ZNF385D: variants seen among roughly 807,000 people sequenced by gnomAD.
ZNF385D encodes zinc finger protein 385D.
ZNF385D carries 15 observed loss-of-function variants against 35.8 expected under a neutral mutation model. The observed-to-expected ratio is 0.42, with a 90% CI of 0.28 to 0.64. The LOEUF is 0.64. Among genes scored for constraint, ZNF385D ranks in the 30% least tolerant of loss-of-function variants. The probability of loss-of-function intolerance (pLI) is 0.23; values close to 1 mark genes in which losing one functional copy is unlikely to be tolerated. For synonymous variants in ZNF385D, 212 were observed against 186.8 expected (o/e 1.13, Z -1.10); for missense variants, 474 against 494.6 (o/e 0.96, Z 0.39).
intron 2 of ZNF385D, among the ~76,000 whole-genome samples, chr3:22,199,460 T>C (rs1696637997): frequency 6.6e-6 from 1 of 152,124 alleles, no homozygotes; most frequent in South Asian, 2.1e-4. Flanking sequence ...TGTTAGGCCA[T>C]GGTAATATTA....
intron 3 of ZNF385D, among the ~76,000 whole-genome samples, chr3:22,064,466 G>C (rs1699833104): frequency 6.6e-6 from 1 of 151,640 alleles, no homozygotes; most frequent in Non-Finnish European, 1.5e-5. Flanking sequence ...AAATTAGTAG[G>C]CCAAAGTGAT....
At chr3:22,207,380 G>T (rs1697226592) in intron 2 of ZNF385D, among the ~76,000 whole-genome samples, 2 of 151,776 alleles carry the variant, frequency 1.3e-5, no homozygotes, top group Admixed American at 1.3e-4. Flanking sequence ...ATGAAAAACT[G>T]GACACGCATA....
chr3:21,666,172 CA>C (rs2066401125), intron 1 of ZNF385D, among the ~76,000 whole-genome samples: 1 of 152,222 alleles, frequency 6.6e-6, no homozygotes, highest in Non-Finnish European at 1.5e-5. Flanking sequence ...CAACTGCACA[CA>C]GAACATCATC....
intron 3 of ZNF385D, among the ~76,000 whole-genome samples, chr3:22,128,673 T>C (rs1703592690): frequency 6.6e-6 from 1 of 152,172 alleles, no homozygotes; most frequent in Admixed American, 6.6e-5. Flanking sequence ...GTTGCATTCT[T>C]CAATTTGTCA....
intron 3 of ZNF385D, among the ~76,000 whole-genome samples, chr3:22,068,223 G>A (rs1345639579): frequency 6.6e-6 from 1 of 152,056 alleles, no homozygotes; most frequent in Non-Finnish European, 1.5e-5. Context: ...TCAGACAGTT[G>A]TACTATCACT....
intron 3 of ZNF385D, among the ~76,000 whole-genome samples, chr3:22,119,540 T>C (rs920170916): frequency 6.6e-6 from 1 of 152,146 alleles, no homozygotes; most frequent in Non-Finnish European, 1.5e-5. Context: ...GATTCCATAA[T>C]GGCCTTCTCC....
intron 2 of ZNF385D, among the ~76,000 whole-genome samples, chr3:22,323,916 G>T (rs1694557602): frequency 6.6e-6 from 1 of 152,058 alleles, no homozygotes; most frequent in Non-Finnish European, 1.5e-5. Flanking sequence ...AATTTGTCAG[G>T]CTTTGCCTTT....
At chr3:22,255,625 T>C (rs1700276275) in intron 2 of ZNF385D, among the ~76,000 whole-genome samples, 1 of 151,790 alleles carries the variant, frequency 6.6e-6, no homozygotes, top group South Asian at 2.1e-4. Flanking sequence ...TACCTGCCTA[T>C]TTCTCAGCCT....
At chr3:22,150,779 T>C (rs1705175419) in intron 3 of ZNF385D, among the ~76,000 whole-genome samples, 1 of 152,154 alleles carries the variant, frequency 6.6e-6, no homozygotes, top group African/African-American at 2.4e-5. Context: ...TAGTAGAAGC[T>C]TTAGCTTAAT....
At chr3:22,024,674 A>G (rs575542473) in intron 3 of ZNF385D, among the ~76,000 whole-genome samples, 7 of 152,112 alleles carry the variant, frequency 4.6e-5, no homozygotes, top group Non-Finnish European at 8.8e-5. Context: ...GAGTTATGCA[A>G]AATAAATGCA....
intron 3 of ZNF385D, among the ~76,000 whole-genome samples, chr3:21,757,914 A>G (rs191913189): frequency 1.3e-3 from 196 of 152,274 alleles, no homozygotes; most frequent in African/African-American, 4.5e-3. Context: ...TGCCATAAAT[A>G]TATGTTGAGT....
chr3:22,130,419 AG>A (rs1329513505), intron 3 of ZNF385D, among the ~76,000 whole-genome samples: 5 of 152,180 alleles, frequency 3.3e-5, no homozygotes, highest in Admixed American at 6.6e-5. Context: ...AAGTTTATTT[AG>A]AAACCCATTG....
upstream of ZNF385D, among the ~76,000 whole-genome samples, chr3:21,752,396 G>A (rs1221254947): frequency 2.6e-5 from 4 of 152,032 alleles, no homozygotes; most frequent in Non-Finnish European, 5.9e-5. Context: ...TTTTATAAAA[G>A]TGTGATAGCA....
At chr3:21,547,154 T>G (rs2062402262) in intron 3 of ZNF385D, among the ~76,000 whole-genome samples, 3 of 152,190 alleles carry the variant, frequency 2.0e-5, no homozygotes, top group Admixed American at 6.5e-5. Flanking sequence ...GTCTCTGTAC[T>G]ATGGGAGACT....
At chr3:21,921,989 C>G (rs1033810576) in intron 3 of ZNF385D, among the ~76,000 whole-genome samples, 1 of 152,118 alleles carries the variant, frequency 6.6e-6, no homozygotes, top group Non-Finnish European at 1.5e-5. Context: ...CTTCCTAACT[C>G]ATGTTATGAA....
At chr3:21,680,725 A>C (rs2066872160) in intron 1 of ZNF385D, among the ~76,000 whole-genome samples, 1 of 152,200 alleles carries the variant, frequency 6.6e-6, no homozygotes, top group Non-Finnish European at 1.5e-5. Flanking sequence ...TTTAGATGGC[A>C]TATTGGCACT....
chr3:21,999,907 G>C (rs1018515244), intron 3 of ZNF385D, among the ~76,000 whole-genome samples: 11 of 152,094 alleles, frequency 7.2e-5, no homozygotes, highest in African/African-American at 2.4e-4. Flanking sequence ...AAGGCAAAGA[G>C]AAACTATTTT....
At chr3:21,896,995 A>G (rs1699171898) in intron 3 of ZNF385D, among the ~76,000 whole-genome samples, 1 of 152,114 alleles carries the variant, frequency 6.6e-6, no homozygotes. Context: ...ATGAGTTACA[A>G]TTAGAGTATG....
At chr3:21,925,253 A>G (rs2125232570) in intron 3 of ZNF385D, among the ~76,000 whole-genome samples, 1 of 152,316 alleles carries the variant, frequency 6.6e-6, no homozygotes, top group Non-Finnish European at 1.5e-5. Flanking sequence ...GACTTTCTAT[A>G]TAGCTATGAC....
Sources: allele counts gnomAD v4.1 joint callset (sites outside exome capture counted in the v4.1 genomes callset), GRCh38; gene constraint gnomAD v4.1.1; transcripts MANE v1.5; gene names NCBI Gene and HGNC (gene_info 2026-07-23, HGNC 2026-07-21).